DNAJC17: variants seen among roughly 807,000 people sequenced by gnomAD.
DNAJC17 encodes dnaJ homolog subfamily C member 17.
In DNAJC17, 35 loss-of-function variants were observed where a neutral mutation model predicts 48.1. That is an observed-to-expected ratio of 0.73 (90% CI 0.56 to 0.96). The LOEUF (loss-of-function observed/expected upper bound fraction) is 0.96. Ranked by LOEUF, DNAJC17 falls within the 50% of genes least tolerant of loss-of-function variation. The pLI is 0.00. For synonymous variants in DNAJC17, 117 were observed against 142.7 expected (o/e 0.82, Z 1.28); for missense variants, 355 against 377.1 (o/e 0.94, Z 0.48).
intron 1 of DNAJC17, among the ~76,000 whole-genome samples, chr15:40,804,628 T>A (rs557162765): frequency 6.6e-6 from 1 of 152,050 alleles, no homozygotes; most frequent in East Asian, 1.9e-4. Context: ...AAAAATAAAA[T>A]CTGATTATGT....
intron 10 of DNAJC17, among the ~76,000 whole-genome samples, chr15:40,772,642 G>T (rs1889183676): frequency 2.0e-5 from 3 of 152,222 alleles, no homozygotes; most frequent in Non-Finnish European, 1.5e-5. Flanking sequence ...GGCTGGCGTG[G>T]GTAAAGTAAT....
chr15:40,795,563 A>G (rs960999927), intron 1 of DNAJC17, among the ~76,000 whole-genome samples: 7 of 152,196 alleles, frequency 4.6e-5, no homozygotes, highest in African/African-American at 1.4e-4. Context: ...AGGGAAATGA[A>G]AAAGAACCAG....
chr15:40,800,957 A>G (rs1890060930), intron 1 of DNAJC17, among the ~76,000 whole-genome samples: 1 of 64,838 alleles, frequency 1.5e-5, no homozygotes, highest in East Asian at 2.9e-4. Flanking sequence ...CTCCGTCTCA[A>G]AAAAAAAAAA....
rs571440654 is a variant in DNAJC17 at position 40,779,257 on chromosome 15, C to T, written c.261G>A (p.Gln87=). Residue 87 remains glutamine, a synonymous_variant, in exon 4 of 11, where the codon CAG becomes CAA. Transcript: ENST00000220496. ...KAKKQAAERT[Q]KLDEKRKKVK... is the part of the protein sequence containing the mutation. ...CTTTCTTCCTTTTCTCATCAAGTTT[C>T]TGGGTCCTCTCTGCTGCTTGCTTCT... 15 of 1,614,050 alleles carry T rather than the reference C, an allele frequency of 9.3e-6. No homozygotes were observed. The South Asian group carries it at 1.4e-4, about 15-fold the overall frequency.
intron 1 of DNAJC17, among the ~76,000 whole-genome samples, chr15:40,788,304 T>C (rs111628269): frequency 0.059 from 8,985 of 152,272 alleles, 902 homozygotes; most frequent in African/African-American, 0.21. Flanking sequence ...GGCTGATGCC[T>C]GTAATCCTAA....
rs775296063 is a variant in DNAJC17, at chr15:40,776,616, G to A, written c.307C>T (p.Arg103Trp). The stretch of plus-strand genomic sequence containing the variant: ...TCCTGGGCCTGGGCCTGCCGCTCCC[G>A]GGCCTCCAGGTCTAGACACAAGGGT... ...RKKVKLDLEA[R>W]ERQAQAQESE... Residue 103 changes from arginine (R) to tryptophan (W), a missense_variant, in exon 5 of 11, where the codon CGG (arginine) becomes TGG (tryptophan). By Grantham distance (101) the Arg-to-Trp change is moderately radical. Coordinates refer to ENST00000220496, the MANE Select transcript of DNAJC17 (RefSeq NM_018163.3). 1.4e-5 allele frequency: 23 copies of A among 1,613,868 alleles called. No individual in the cohort carries two copies. The highest frequency in any genetic ancestry group is 1.6e-4 in the Middle Eastern group (1 of 6,062).
At chr15:40,802,410 C>G (rs1303736892) in intron 1 of DNAJC17, among the ~76,000 whole-genome samples, 2 of 152,120 alleles carry the variant, frequency 1.3e-5, no homozygotes, top group Non-Finnish European at 2.9e-5. Flanking sequence ...CTCAGGTGAT[C>G]TGCCTGCCTG....
chr15:40,794,721 A>G (rs1214212758), intron 1 of DNAJC17, among the ~76,000 whole-genome samples: 3 of 152,034 alleles, frequency 2.0e-5, no homozygotes, highest in Non-Finnish European at 4.4e-5. Flanking sequence ...AAATTTATTT[A>G]TTTATTTATT....
At chr15:40,775,743 G>A in intron 6 of DNAJC17, 147 bp from the exon 7 acceptor site, 1 of 810,972 alleles carries the variant, frequency 1.2e-6, no homozygotes. Flanking sequence ...GGGCCTGGTG[G>A]GGAAAGCAGA....
chr15:40,801,509 C>A (rs1890070232), intron 1 of DNAJC17, among the ~76,000 whole-genome samples: 1 of 152,108 alleles, frequency 6.6e-6, no homozygotes. Context: ...GCAATCCCAG[C>A]ACTTTGGGAG....
At chr15:40,780,184 G>A (rs890682358) in intron 1 of DNAJC17, 187 bp from the exon 2 acceptor site, 18 of 685,766 alleles carry the variant, frequency 2.6e-5, no homozygotes, top group Non-Finnish European at 4.2e-5. Flanking sequence ...AGCCACTGTC[G>A]CCCAGCACAG....
chr15:40,781,489 GAC>G (rs1444112892), intron 1 of DNAJC17, among the ~76,000 whole-genome samples: 2 of 151,988 alleles, frequency 1.3e-5, no homozygotes, highest in Non-Finnish European at 2.9e-5. Context: ...GACAGAGGGA[GAC>G]CTTGTCTCAA....
rs553693279 is a variant in DNAJC17 at position 40,792,547 on chromosome 15, A to C, written c.79-12550T>G. The C allele has an allele frequency of 4.4e-4, 431 of 985,090 alleles. 5 individuals carry two copies. The South Asian group carries it at 0.018, about 40-fold the overall frequency. The allele number at this position is 985,090 out of a possible 1,614,324, so 61.0% of individuals were successfully genotyped here. ...AGAGAAAGACAGGCTGGACATGCTGACTCATGCCTGTAATCCTGGCACTTT... is the reference window on the plus strand; with the variant it reads ...AGAGAAAGACAGGCTGGACATGCTGCCTCATGCCTGTAATCCTGGCACTTT... On this transcript the variant is annotated intron_variant, in intron 1 of 10. Transcript: ENST00000220496.
Position 40,770,702 on chromosome 15 carries a change from C to A in DNAJC17, c.793-2640G>T, listed in dbSNP as rs995852064. 1.9e-6 allele frequency: 3 copies of A among 1,547,146 alleles called. No individual in the cohort carries two copies. The highest frequency in any genetic ancestry group is 1.2e-5 in the South Asian group (1 of 84,048). Reference sequence around the variant, plus strand: ...GCCGGCGCCTGCCACTGTGGGGGGACGAGCAGCCCCGGGCCACCCTGCTGG... The same window carrying A: ...GCCGGCGCCTGCCACTGTGGGGGGAAGAGCAGCCCCGGGCCACCCTGCTGG... On this transcript the variant is annotated intron_variant, in intron 10 of 10. Transcript: ENST00000220496. The surrounding 1 kb of genome is among the most constrained non-coding windows in gnomAD (Gnocchi z 5.0).
At chr15:40,778,923 G>C (rs1889403503) in intron 4 of DNAJC17, among the ~76,000 whole-genome samples, 1 of 152,078 alleles carries the variant, frequency 6.6e-6, no homozygotes, top group Admixed American at 6.5e-5. Flanking sequence ...GACAGGGTGA[G>C]ACCCTGTCTC....
chr15:40,784,010 T>A (rs953015155), intron 1 of DNAJC17, among the ~76,000 whole-genome samples: 3 of 151,142 alleles, frequency 2.0e-5, no homozygotes, highest in African/African-American at 7.3e-5. Flanking sequence ...GCGAATCAGT[T>A]GAGGTCAGGA....
At position 40,775,097 on chromosome 15, in the gene DNAJC17, C is replaced by G. The variant is rs1166680563; in HGVS notation, c.534G>C (p.Lys178Asn). 3 of 1,614,048 alleles carry G rather than the reference C, an allele frequency of 1.9e-6. No homozygotes were observed. The African/African-American group carries it at 4.0e-5, about 22-fold the overall frequency. The change falls in exon 8 of 11, where the codon AAG (lysine) becomes AAC (asparagine). Residue 178 changes from lysine to asparagine, a missense_variant. Lys to Asn is a moderately conservative substitution (Grantham distance 94). Coordinates refer to ENST00000220496, the MANE Select transcript of DNAJC17 (RefSeq NM_018163.3). The part of the protein sequence containing the change: ...QGTPKLKLKW[K>N]CKKEDESKGG... ...CTTTTGACTCATCCTCCTTCTTGCA[C>G]TTCCATTTTAGCTGAAAAGAGAGCC... is the stretch of plus-strand genomic sequence containing the variant.
At chr15:40,779,110 C>T (rs994414225) in intron 4 of DNAJC17, 113 bp downstream of exon 4, 5 of 1,069,200 alleles carry the variant, frequency 4.7e-6, no homozygotes, top group South Asian at 1.3e-5. Context: ...TTGCCCAGAG[C>T]CTGAGCCAAA....
rs929757273 is a variant in DNAJC17, at chr15:40,774,295, T to G, written c.681+61A>C. On this transcript the variant is annotated intron_variant, in intron 9 of 10. Transcript: ENST00000220496. ...ACCTAACTCAGAGGGCCCACAGAATTGGGTCCCTGCCCTAGAATGACAGGG... is the reference window on the plus strand; with the variant it reads ...ACCTAACTCAGAGGGCCCACAGAATGGGGTCCCTGCCCTAGAATGACAGGG... 9.9e-5 allele frequency: 156 copies of G among 1,577,834 alleles called. 1 individual carries two copies. The highest frequency in any genetic ancestry group is 1.3e-4 in the Non-Finnish European group (144 of 1,148,966).
Sources: gnomAD v4.1 joint callset for allele counts (sites outside exome capture counted in the v4.1 genomes callset) on GRCh38, gnomAD v4.1.1 for gene constraint, Gnocchi (gnomAD v3.1) non-coding constraint, MANE v1.5 for transcripts, NCBI Gene and HGNC (gene_info 2026-07-23, HGNC 2026-07-21) for gene names.